MCTS1: variants seen among roughly 807,000 people sequenced by gnomAD.
MCTS1 encodes MCTS1 re-initiation and release factor.
For synonymous variants in MCTS1, 26 were observed against 40.8 expected, an observed-to-expected ratio of 0.64 and a Z score of 1.38; for missense variants, 55 against 128.6, an observed-to-expected ratio of 0.43 and a Z score of 2.77.
Position 120,611,001 on chromosome X carries a change from G to A in MCTS1, c.397-10G>A. 8.3e-7 allele frequency: 1 copy of A among 1,209,170 alleles called. No homozygotes were observed. Among genetic ancestry groups the A allele is most frequent in the Non-Finnish European group, 1.1e-6 (1 of 893,184 alleles). On this transcript the variant is annotated splice_polypyrimidine_tract_variant and intron_variant, in intron 4 of 5. Transcript: ENST00000371317. The stretch of plus-strand genomic sequence containing the variant: ...TTTGATAAATAGTTTTCTTAGCTGT[G>A]TTCTTTCAGGCTATCATGGCAGAAG...
rs1258477105 is a variant in MCTS1 at position 120,617,054 on chromosome X, G to T, written c.*4790G>T. On this transcript the variant is annotated 3_prime_UTR_variant, in exon 6 of 6. Transcript: ENST00000371317. ...TGAGCTTCAGGCATCAGTCTTATTTGGAAGACTGTAAATCAACAGGCTAAC... is the reference window on the plus strand; with the variant it reads ...TGAGCTTCAGGCATCAGTCTTATTTTGAAGACTGTAAATCAACAGGCTAAC... 8.9e-6 allele frequency among the ~76,000 whole-genome samples: 1 copy of T among 112,286 alleles called. No individual in the cohort carries two copies. The highest frequency in any genetic ancestry group is 1.9e-5 in the Non-Finnish European group (1 of 53,271).
rs1017115063 is a variant in MCTS1 at position 120,613,722 on chromosome X, T to G, written c.*1458T>G. ...ATTCAGGTTCAGTTTTTTTAGTGCC[T>G]TCTTTTGAGTAAAGTCATACCAAAC... On this transcript the variant is annotated 3_prime_UTR_variant, in exon 6 of 6. Coordinates refer to ENST00000371317, the MANE Select transcript of MCTS1 (RefSeq NM_014060.3). Among the ~76,000 whole-genome samples the G allele has an allele frequency of 6.3e-5, 7 of 111,920 alleles. No individual in the cohort carries two copies. Among genetic ancestry groups the G allele is most frequent in the Non-Finnish European group, 1.1e-4 (6 of 53,228 alleles).
rs1053073226 is a variant in MCTS1, at chrX:120,614,103, G to A, written c.*1839G>A. ...CAAAAAGAGAGAGATCATTTGGCTG[G>A]CTGTTCCAGCTGGGTCTCCCAGGAT... On this transcript the variant is annotated 3_prime_UTR_variant, in exon 6 of 6. Transcript: ENST00000371317. 8.9e-6 allele frequency among the ~76,000 whole-genome samples: 1 copy of A among 112,214 alleles called. No individual in the cohort carries two copies. The highest frequency in any genetic ancestry group is 1.9e-5 in the Non-Finnish European group (1 of 53,254).
At position 120,614,494 on chromosome X, in the gene MCTS1, CTTATG is replaced by C. The variant is rs778995793; in HGVS notation, c.*2236_*2240del. Among the ~76,000 whole-genome samples, 1 of 111,782 alleles carries C rather than the reference CTTATG, an allele frequency of 8.9e-6. No homozygotes were observed. Among genetic ancestry groups the C allele is most frequent in the Non-Finnish European group, 1.9e-5 (1 of 53,125 alleles). On this transcript the variant is annotated 3_prime_UTR_variant, in exon 6 of 6. Coordinates refer to ENST00000371317, the MANE Select transcript of MCTS1 (RefSeq NM_014060.3). ...CCTTTTCAAGTTCCATGTAGTTTTC[CTTATG>C]TTATGACAGTTTTATTCTGCAGCTT...
In MCTS1 at chrX:120,615,878, A is replaced by C. The variant is rs1013844763; in HGVS notation, c.*3614A>C. Reference sequence around the variant, plus strand: ...CCCATGGGTAGTCATGAACATTTCCAATTTGAGGGATTTTATATTCCCCAA... The same window carrying C: ...CCCATGGGTAGTCATGAACATTTCCCATTTGAGGGATTTTATATTCCCCAA... On this transcript the variant is annotated 3_prime_UTR_variant, in exon 6 of 6. Coordinates refer to ENST00000371317, the MANE Select transcript of MCTS1 (RefSeq NM_014060.3). Among the ~76,000 whole-genome samples, 1 of 111,939 alleles carries C rather than the reference A, an allele frequency of 8.9e-6. No homozygotes were observed. Among genetic ancestry groups the C allele is most frequent in the Non-Finnish European group, 1.9e-5 (1 of 53,250 alleles).
At chrX:120,611,383 T>C (rs1005319277) in intron 5 of MCTS1, 4 of 182,813 alleles carry the variant, frequency 2.2e-5, no homozygotes, top group African/African-American at 1.2e-4. Context: ...AGGGAAGATG[T>C]TTTACTGCTA....
chrX:120,610,146 A>T (rs1926645192), intron 4 of MCTS1, among the ~76,000 whole-genome samples: 1 of 110,383 alleles, frequency 9.1e-6, no homozygotes, highest in African/African-American at 3.3e-5. Context: ...ACATGACGAA[A>T]CCCTGTCTGT....
chrX:120,606,886 C>T (rs1462126350), intron 3 of MCTS1, among the ~76,000 whole-genome samples: 1 of 110,778 alleles, frequency 9.0e-6, no homozygotes, highest in Admixed American at 9.6e-5. Flanking sequence ...AAGACATTGT[C>T]TCTGTCCTTA....
In MCTS1 at chrX:120,620,180, C is replaced by T. The variant is rs367907507; in HGVS notation, c.*7916C>T. 2.7e-5 allele frequency among the ~76,000 whole-genome samples: 3 copies of T among 109,955 alleles called. No individual in the cohort carries two copies. Among genetic ancestry groups the T allele is most frequent in the Non-Finnish European group, 5.7e-5 (3 of 52,783 alleles). ...AAAATTAACCGGACGCAGTGGTGGGCGCCTGTAGTCCCAGCTACTCGGGAG... is the reference window on the plus strand; with the variant it reads ...AAAATTAACCGGACGCAGTGGTGGGTGCCTGTAGTCCCAGCTACTCGGGAG... On this transcript the variant is annotated 3_prime_UTR_variant, in exon 6 of 6. Transcript: ENST00000371317.
intron 1 of MCTS1, 79 bp from the exon 2 acceptor site, chrX:120,605,328 A>T: frequency 1.1e-6 from 1 of 892,701 alleles, no homozygotes; most frequent in Non-Finnish European, 1.5e-6. Context: ...ATAAATGACT[A>T]ATTAGAACAG....
rs1347581658 is a variant in MCTS1 at position 120,614,632 on chromosome X, C to A, written c.*2368C>A. Among the ~76,000 whole-genome samples the A allele has an allele frequency of 8.9e-6, 1 of 111,960 alleles. No individual in the cohort carries two copies. Among genetic ancestry groups the A allele is most frequent in the Non-Finnish European group, 1.9e-5 (1 of 53,184 alleles). On this transcript the variant is annotated 3_prime_UTR_variant, in exon 6 of 6. Transcript: ENST00000371317. Reference sequence around the variant, plus strand: ...CTTCAACAGATAGTTTAATTTTTTGCTGACTTACTGGCTTCAAATTCAGAT... The same window carrying A: ...CTTCAACAGATAGTTTAATTTTTTGATGACTTACTGGCTTCAAATTCAGAT...
chrX:120,605,719 A>G (rs1407759798), intron 2 of MCTS1, among the ~76,000 whole-genome samples, 160 bp downstream of exon 2: 3 of 112,438 alleles, frequency 2.7e-5, no homozygotes, highest in Non-Finnish European at 5.6e-5. Flanking sequence ...TGTATTTTCA[A>G]AGATTTTCTA....
Position 120,612,318 on chromosome X carries a change from TTGTGTC to T in MCTS1, c.*60_*65del, listed in dbSNP as rs1454964653. Reference sequence around the variant, plus strand: ...TATGGATATTGTGCTGTATCTGTGTTTGTGTCTGTGTGTGACAGCATGAAGATAATG... The same window carrying T: ...TATGGATATTGTGCTGTATCTGTGTTTGTGTGTGACAGCATGAAGATAATG... On this transcript the variant is annotated 3_prime_UTR_variant, in exon 6 of 6. Transcript: ENST00000371317. The T allele has an allele frequency of 1.1e-6, 1 of 916,226 alleles. No individual in the cohort carries two copies. Among genetic ancestry groups the T allele is most frequent in the African/African-American group, 2.0e-5 (1 of 50,551 alleles). The allele number at this position is 916,226 out of a possible 1,213,427, so 75.5% of individuals were successfully genotyped here.
At chrX:120,608,516 AG>A in intron 4 of MCTS1, 158 bp downstream of exon 4, 2 of 593,366 alleles carry the variant, frequency 3.4e-6, no homozygotes, top group Non-Finnish European at 4.8e-6. Flanking sequence ...AGTTGTACAA[AG>A]TAATTTTATT....
In MCTS1 at chrX:120,604,926, TATC is replaced by T; in HGVS notation, c.12-476_12-474del. ...GAATAGGGATCTTAGAAATCATTATTATCATCACTTAAAAAAAATCTCAGCAGA... is the reference window on the plus strand; with the variant it reads ...GAATAGGGATCTTAGAAATCATTATTATCACTTAAAAAAAATCTCAGCAGA... On this transcript the variant is annotated intron_variant, in intron 1 of 5. Transcript: ENST00000371317. 14 of 1,090,224 alleles carry T rather than the reference TATC, an allele frequency of 1.3e-5. No homozygotes were observed. In the South Asian group the frequency reaches 3.0e-4, roughly 23 times the overall value. 89.8% of individuals were successfully genotyped at this position (1,090,224 alleles called of 1,213,427 possible). A position where few individuals can be genotyped will look rare whatever the true frequency, so the allele number is the denominator to read the frequency against.
At chrX:120,607,417 AT>A (rs1444002815) in intron 3 of MCTS1, among the ~76,000 whole-genome samples, 1 of 111,452 alleles carries the variant, frequency 9.0e-6, no homozygotes, top group Non-Finnish European at 1.9e-5. Context: ...ACTAGAACTT[AT>A]CGACCTGTAT....
chrX:120,612,460 A>T lies in MCTS1; in HGVS notation c.*196A>T, dbSNP rs1274410443. On this transcript the variant is annotated 3_prime_UTR_variant, in exon 6 of 6. Coordinates refer to ENST00000371317, the MANE Select transcript of MCTS1 (RefSeq NM_014060.3). ...AAATTGGGTAGCAAACTTGGACATT[A>T]AAAGGTATCTGGTAAGTAAGCAAAC... 7.3e-5 allele frequency: 28 copies of T among 381,294 alleles called. 1 individual carries two copies. The highest frequency in any genetic ancestry group is 1.2e-4 in the Non-Finnish European group (27 of 217,065). 31.4% of individuals were successfully genotyped at this position (381,294 alleles called of 1,213,427 possible).
chrX:120,614,093 C>G lies in MCTS1; in HGVS notation c.*1829C>G, dbSNP rs1457575478. 1.8e-5 allele frequency among the ~76,000 whole-genome samples: 2 copies of G among 112,045 alleles called. No individual in the cohort carries two copies. The highest frequency in any genetic ancestry group is 3.8e-5 in the Non-Finnish European group (2 of 53,228). On this transcript the variant is annotated 3_prime_UTR_variant, in exon 6 of 6. Coordinates refer to ENST00000371317, the MANE Select transcript of MCTS1 (RefSeq NM_014060.3). Reference sequence around the variant, plus strand: ...GGGTGGATAGCAAAAAGAGAGAGATCATTTGGCTGGCTGTTCCAGCTGGGT... The same window carrying G: ...GGGTGGATAGCAAAAAGAGAGAGATGATTTGGCTGGCTGTTCCAGCTGGGT...
rs375633161 is a variant in MCTS1 at position 120,617,284 on chromosome X, C to T, written c.*5020C>T. On this transcript the variant is annotated 3_prime_UTR_variant, in exon 6 of 6. Transcript: ENST00000371317. Reference sequence around the variant, plus strand: ...TCGGCTCACTGCAACCTCTGTCTTCCGGGTTCAAGCGATTCTCCTGCCTCA... The same window carrying T: ...TCGGCTCACTGCAACCTCTGTCTTCTGGGTTCAAGCGATTCTCCTGCCTCA... 2.3e-4 allele frequency among the ~76,000 whole-genome samples: 26 copies of T among 111,394 alleles called. No individual in the cohort carries two copies. The highest frequency in any genetic ancestry group is 4.0e-4 in the Non-Finnish European group (21 of 53,054).
Sources: gnomAD v4.1 joint callset for allele counts (sites outside exome capture counted in the v4.1 genomes callset) on GRCh38, gnomAD v4.1.1 for gene constraint, MANE v1.5 for transcripts, NCBI Gene and HGNC (gene_info 2026-07-23, HGNC 2026-07-21) for gene names.